The following SKAP1 variants were observed in gnomAD, a reference collection of about 807,000 sequenced individuals.
The protein encoded by SKAP1 is src kinase-associated phosphoprotein 1.
Under a neutral mutation model 58.5 loss-of-function variants are expected in SKAP1, and 44 were observed. The ratio of observed to expected loss-of-function variants is 0.75; its 90% CI spans 0.59 to 0.97. SKAP1 has a LOEUF of 0.97. Among genes scored for constraint, SKAP1 ranks in the 50% least tolerant of loss-of-function variants. The pLI is 0.00. For missense variants in SKAP1, 390 were observed against 435.2 expected (o/e 0.90, Z 0.92); for synonymous variants, 127 against 149.7 (o/e 0.85, Z 1.11).
intron 9 of SKAP1, among the ~76,000 whole-genome samples, chr17:48,174,701 A>G (rs2064265861): frequency 6.6e-6 from 1 of 152,242 alleles, no homozygotes; most frequent in Non-Finnish European, 1.5e-5. Flanking sequence ...TAAGAATATT[A>G]TTAGGCATTT....
chr17:48,307,020 A>C (rs1468209436), intron 4 of SKAP1, among the ~76,000 whole-genome samples: 2 of 152,218 alleles, frequency 1.3e-5, no homozygotes, highest in African/African-American at 2.4e-5. Context: ...ATTCCCAGAC[A>C]AGTATAATTT....
In SKAP1 at chr17:48,184,632, C is replaced by G. The variant is rs1235181794; in HGVS notation, c.567+91G>C. On this transcript the variant is annotated intron_variant, in intron 7 of 12. Coordinates refer to ENST00000336915, the MANE Select transcript of SKAP1 (RefSeq NM_003726.4). ...GAAATGAGCAGGTAACAAAGAAAGG[C>G]TGGAACCCAGCATAGCAACCATGGC... 3 of 1,532,994 alleles carry G rather than the reference C, an allele frequency of 2.0e-6. No individual in the cohort carries two copies. In the African/African-American group the frequency reaches 4.1e-5, roughly 21 times the overall value. The allele number at this position is 1,532,994 out of a possible 1,614,324, so 95.0% of individuals were successfully genotyped here.
chr17:48,204,365 A>C (rs1321963098), intron 4 of SKAP1: 1 of 151,996 alleles, frequency 6.6e-6, no homozygotes, highest in Non-Finnish European at 1.5e-5. Context: ...TGCCTCTCAA[A>C]GTGCTGGGAT....
chr17:48,165,098 T>C lies in SKAP1; in HGVS notation c.878-2529A>G, dbSNP rs577907770. 2.6e-5 allele frequency among the ~76,000 whole-genome samples: 4 copies of C among 152,348 alleles called. No homozygotes were observed. In the South Asian group the frequency reaches 8.3e-4, roughly 32 times the overall value. On this transcript the variant is annotated intron_variant, in intron 10 of 12. Coordinates refer to ENST00000336915, the MANE Select transcript of SKAP1 (RefSeq NM_003726.4). ...GAAAAAACAGTTACACAAATGTTTA[T>C]TTATGATTATGATATGTCTGTGAAG...
At chr17:48,347,645 A>G (rs1181435929) in intron 3 of SKAP1, among the ~76,000 whole-genome samples, 2 of 152,234 alleles carry the variant, frequency 1.3e-5, no homozygotes, top group Non-Finnish European at 2.9e-5. Context: ...TCATTGGCCA[A>G]AGCCAGAAGA....
At chr17:48,288,206 C>A (rs2065856407) in intron 4 of SKAP1, among the ~76,000 whole-genome samples, 1 of 152,224 alleles carries the variant, frequency 6.6e-6, no homozygotes, top group African/African-American at 2.4e-5. Context: ...GATTAATTAT[C>A]TCTCAGTGAT....
At chr17:48,303,229 A>C (rs2066086412) in intron 4 of SKAP1, among the ~76,000 whole-genome samples, 1 of 152,168 alleles carries the variant, frequency 6.6e-6, no homozygotes, top group South Asian at 2.1e-4. Context: ...GGTTATGCTA[A>C]GACATTACCA....
intron 4 of SKAP1, among the ~76,000 whole-genome samples, chr17:48,233,892 AC>A (rs973939138): frequency 1.3e-5 from 2 of 152,160 alleles, no homozygotes; most frequent in African/African-American, 4.8e-5. Flanking sequence ...TGGCAGAAAT[AC>A]AAGCCAACAG....
At chr17:48,325,688 T>C (rs1346634878) in intron 4 of SKAP1, among the ~76,000 whole-genome samples, 1 of 152,238 alleles carries the variant, frequency 6.6e-6, no homozygotes, top group African/African-American at 2.4e-5. Context: ...AGACAGTTAG[T>C]TTATACTTAT....
At chr17:48,383,292 A>G (rs183432468) in intron 2 of SKAP1, among the ~76,000 whole-genome samples, 2 of 152,200 alleles carry the variant, frequency 1.3e-5, no homozygotes, top group Admixed American at 6.5e-5. Context: ...GTTTTACTAA[A>G]TAGTCACACA....
intron 4 of SKAP1, among the ~76,000 whole-genome samples, chr17:48,256,222 C>A (rs2143904307): frequency 6.6e-6 from 1 of 151,368 alleles, no homozygotes; most frequent in East Asian, 1.9e-4. Context: ...AGAACTAGGG[C>A]AAAAAGGTCC....
At chr17:48,285,026 T>C (rs2065813139) in intron 4 of SKAP1, among the ~76,000 whole-genome samples, 1 of 152,210 alleles carries the variant, frequency 6.6e-6, no homozygotes, top group Non-Finnish European at 1.5e-5. Context: ...GAGATTTCTC[T>C]TATAGTAGGC....
At chr17:48,234,797 T>C (rs1192074881) in intron 4 of SKAP1, among the ~76,000 whole-genome samples, 1 of 152,130 alleles carries the variant, frequency 6.6e-6, no homozygotes, top group East Asian at 1.9e-4. Context: ...AATGTATGCA[T>C]TAATACAAAA....
At chr17:48,333,352 A>G (rs2066529350) in intron 4 of SKAP1, among the ~76,000 whole-genome samples, 1 of 152,176 alleles carries the variant, frequency 6.6e-6, no homozygotes, top group African/African-American at 2.4e-5. Flanking sequence ...CATTAAATAA[A>G]AATGTAAACG....
chr17:48,142,980 AC>A (rs1311767526), intron 11 of SKAP1, among the ~76,000 whole-genome samples: 3 of 145,756 alleles, frequency 2.1e-5, no homozygotes, highest in Non-Finnish European at 4.5e-5. Context: ...TAAAAAAAAA[AC>A]TTTTTTTTTT....
intron 11 of SKAP1, among the ~76,000 whole-genome samples, chr17:48,155,499 G>A (rs1200806060): frequency 6.6e-6 from 1 of 152,100 alleles, no homozygotes. Context: ...TTTTCTGAAA[G>A]CTAGGACTTG....
At chr17:48,260,386 C>T (rs1289098870) in intron 4 of SKAP1, among the ~76,000 whole-genome samples, 1 of 152,014 alleles carries the variant, frequency 6.6e-6, no homozygotes, top group Non-Finnish European at 1.5e-5. Flanking sequence ...GTACAAGAGG[C>T]TATTAAACAA....
chr17:48,134,095 T>C (rs1186434515), intron 12 of SKAP1, among the ~76,000 whole-genome samples: 1 of 152,214 alleles, frequency 6.6e-6, no homozygotes, highest in Non-Finnish European at 1.5e-5. Flanking sequence ...TATTTCAGAA[T>C]GTATTCCACA....
At chr17:48,204,440 T>C (rs1291973766) in intron 4 of SKAP1, 3 of 152,128 alleles carry the variant, frequency 2.0e-5, no homozygotes, top group Admixed American at 6.5e-5. Flanking sequence ...TCCAGTTTTT[T>C]TTCCTTTTGT....
Sources: gnomAD v4.1 joint callset for allele counts (sites outside exome capture counted in the v4.1 genomes callset) on GRCh38, gnomAD v4.1.1 for gene constraint, MANE v1.5 for transcripts, NCBI Gene and HGNC (gene_info 2026-07-23, HGNC 2026-07-21) for gene names.